RNGTT: variants seen among roughly 807,000 people sequenced by gnomAD.
RNGTT encodes the protein RNA guanylyltransferase and 5'-phosphatase, also known as mRNA-capping enzyme.
RNGTT carries 33 observed loss-of-function variants against 79.3 expected under a neutral mutation model. The ratio of observed to expected loss-of-function variants is 0.42; its 90% CI spans 0.32 to 0.56. The LOEUF is 0.56. Among genes scored for constraint, RNGTT ranks in the 20% least tolerant of loss-of-function variants. The pLI, the probability that RNGTT is intolerant of heterozygous loss-of-function variation, is 0.17. For missense variants in RNGTT, 497 were observed against 739.1 expected, an observed-to-expected ratio of 0.67 and a Z score of 3.80; for synonymous variants, 222 against 235.9, an observed-to-expected ratio of 0.94 and a Z score of 0.54.
At chr6:88,827,824 C>T (rs1294788464) in intron 11 of RNGTT, among the ~76,000 whole-genome samples, 1 of 152,164 alleles carries the variant, frequency 6.6e-6, no homozygotes, top group African/African-American at 2.4e-5. Flanking sequence ...ACTGCTGTAG[C>T]CGGACTGCCT....
rs78164751 is a variant in RNGTT, at chr6:88,730,915, T to C, written c.1439+38859A>G. Among the ~76,000 whole-genome samples the C allele has an allele frequency of 4.5e-3, 682 of 152,308 alleles. 2 individuals carry two copies. Among genetic ancestry groups the C allele is most frequent in the African/African-American group, 0.016 (645 of 41,564 alleles). On this transcript the variant is annotated intron_variant, in intron 13 of 15. Coordinates refer to ENST00000369485, the MANE Select transcript of RNGTT (RefSeq NM_003800.5). Reference sequence around the variant, plus strand: ...GCCCTGTCTAGTCTTCTGTCTCATCTAAGAGGCCAAAACAAACAAACAAAA... The same window carrying C: ...GCCCTGTCTAGTCTTCTGTCTCATCCAAGAGGCCAAAACAAACAAACAAAA...
At position 88,778,362 on chromosome 6, in the gene RNGTT, G is replaced by A. The variant is rs145774250; in HGVS notation, c.1339-8488C>T. On this transcript the variant is annotated intron_variant, in intron 12 of 15. Transcript: ENST00000369485. ...AGAGGCAAGTCTCCCAATTCAGTGT[G>A]TGCATTATGGAGGGTGGGGCCATAT... 5.0e-3 allele frequency among the ~76,000 whole-genome samples: 756 copies of A among 152,256 alleles called. 5 individuals are homozygous for A. The highest frequency in any genetic ancestry group is 0.017 in the African/African-American group (699 of 41,550).
intron 6 of RNGTT, among the ~76,000 whole-genome samples, chr6:88,895,341 T>C (rs953621221): frequency 6.6e-6 from 1 of 151,910 alleles, no homozygotes; most frequent in Non-Finnish European, 1.5e-5. Context: ...ACATTCATCG[T>C]TGTATTCAAA....
intron 4 of RNGTT, among the ~76,000 whole-genome samples, chr6:88,911,715 T>C (rs964379897): frequency 6.6e-6 from 1 of 151,644 alleles, no homozygotes; most frequent in African/African-American, 2.4e-5. Flanking sequence ...AAAGCAGAGG[T>C]AAAATACACC....
At chr6:88,650,745 C>T (rs1049150652) in intron 14 of RNGTT, among the ~76,000 whole-genome samples, 1 of 152,046 alleles carries the variant, frequency 6.6e-6, no homozygotes, top group African/African-American at 2.4e-5. Context: ...GAGACTATTT[C>T]AAATTAATAA....
chr6:88,610,301 C>T lies in RNGTT; in HGVS notation c.*2418G>A, dbSNP rs746115117. ...TTAAATCAGTAGTTTTATTACAATA[C>T]GCACTGACACACAATTGGAAAAGGA... On this transcript the variant is annotated 3_prime_UTR_variant, in exon 16 of 16. Transcript: ENST00000369485. The T allele has an allele frequency of 2.0e-5, 3 of 152,754 alleles. No homozygotes were observed. Among genetic ancestry groups the T allele is most frequent in the Non-Finnish European group, 2.9e-5 (2 of 68,020 alleles). 9.5% of individuals were successfully genotyped at this position (152,754 alleles called of 1,614,324 possible). A position where few individuals can be genotyped will look rare whatever the true frequency, so the allele number is the denominator to read the frequency against.
intron 13 of RNGTT, among the ~76,000 whole-genome samples, chr6:88,743,260 AG>A (rs137885191): frequency 0.01 from 1,596 of 152,260 alleles, 14 homozygotes; most frequent in Middle Eastern, 0.024. Context: ...ATTTTAGACA[AG>A]TTCCTGAACC....
intron 12 of RNGTT, among the ~76,000 whole-genome samples, chr6:88,798,070 G>GT (rs748429250): frequency 6.6e-6 from 1 of 151,712 alleles, no homozygotes; most frequent in Non-Finnish European, 1.5e-5. Flanking sequence ...CATTTAATTG[G>GT]TTTTTTTAAA....
intron 13 of RNGTT, among the ~76,000 whole-genome samples, chr6:88,737,176 T>G (rs1252552334): frequency 6.6e-6 from 1 of 152,216 alleles, no homozygotes; most frequent in African/African-American, 2.4e-5. Flanking sequence ...TTTCTCCTTC[T>G]TAGACGAGAT....
chr6:88,777,306 C>T (rs1778921043), intron 12 of RNGTT, among the ~76,000 whole-genome samples: 1 of 152,134 alleles, frequency 6.6e-6, no homozygotes, highest in Non-Finnish European at 1.5e-5. Context: ...TCTTCTTTCT[C>T]AAAATTGCTT....
At chr6:88,849,858 T>A in intron 9 of RNGTT, 32 bp from the exon 10 acceptor site, 1 of 1,512,266 alleles carries the variant, frequency 6.6e-7, no homozygotes, top group East Asian at 2.4e-5. Context: ...AGTTTCTTCA[T>A]ACTTTAATAA....
At chr6:88,835,365 T>G (rs1330091615) in intron 11 of RNGTT, among the ~76,000 whole-genome samples, 4 of 152,074 alleles carry the variant, frequency 2.6e-5, no homozygotes, top group African/African-American at 9.7e-5. Context: ...CTAAGGGAAA[T>G]GTACAGAGTT....
intron 8 of RNGTT, among the ~76,000 whole-genome samples, chr6:88,883,498 C>G (rs965346507): frequency 5.9e-5 from 9 of 152,268 alleles, no homozygotes; most frequent in Non-Finnish European, 8.8e-5. Context: ...GACATACTTC[C>G]AAGTGGATCA....
intron 7 of RNGTT, among the ~76,000 whole-genome samples, chr6:88,891,131 C>T (rs1156773617): frequency 2.0e-5 from 3 of 151,642 alleles, no homozygotes. Flanking sequence ...ACATTAAAAC[C>T]GATCTTATTT....
intron 14 of RNGTT, 74 bp downstream of exon 14, chr6:88,678,279 T>C: frequency 6.4e-7 from 1 of 1,554,278 alleles, no homozygotes; most frequent in Non-Finnish European, 8.7e-7. Flanking sequence ...ATGTTGATTA[T>C]TATTAGCAAG....
intron 4 of RNGTT, among the ~76,000 whole-genome samples, chr6:88,917,597 C>T (rs1373433554): frequency 6.6e-6 from 1 of 152,198 alleles, no homozygotes; most frequent in Non-Finnish European, 1.5e-5. Context: ...AAAAACCACT[C>T]CCACGGCTGA....
intron 8 of RNGTT, among the ~76,000 whole-genome samples, chr6:88,885,099 T>A (rs1005695597): frequency 1.3e-5 from 2 of 151,738 alleles, no homozygotes; most frequent in Admixed American, 6.6e-5. Context: ...TAGATATAGG[T>A]GTGTATTTAT....
At chr6:88,881,227 A>G (rs184792158) in intron 8 of RNGTT, among the ~76,000 whole-genome samples, 72 of 152,316 alleles carry the variant, frequency 4.7e-4, no homozygotes, top group Non-Finnish European at 1.6e-4. Context: ...AAGGAGGCAT[A>G]AAGACATAGT....
chr6:88,689,901 G>A (rs1304648145), intron 13 of RNGTT, among the ~76,000 whole-genome samples: 1 of 149,906 alleles, frequency 6.7e-6, no homozygotes. Flanking sequence ...AGCAACTTTA[G>A]AGAAACACTG....
Sources: allele counts gnomAD v4.1 joint callset (sites outside exome capture counted in the v4.1 genomes callset), GRCh38; gene constraint gnomAD v4.1.1; transcripts MANE v1.5; gene names NCBI Gene and HGNC (gene_info 2026-07-23, HGNC 2026-07-21).